SAP130: variants seen among roughly 807,000 people sequenced by gnomAD.
SAP130 encodes the protein Sin3A associated protein 130.
SAP130 carries 16 observed loss-of-function variants against 103.2 expected under a neutral mutation model. The ratio of observed to expected loss-of-function variants is 0.16; its 90% CI spans 0.10 to 0.24. SAP130 has a LOEUF of 0.24. SAP130 is among the 10% of genes least tolerant of loss of function. The probability of loss-of-function intolerance (pLI) is 1.00; values close to 1 mark genes in which losing one functional copy is unlikely to be tolerated. For synonymous variants in SAP130, 477 were observed against 497.0 expected, an observed-to-expected ratio of 0.96 and a Z score of 0.53; for missense variants, 990 against 1,359.7, an observed-to-expected ratio of 0.73 and a Z score of 4.28.
At chr2:127,951,914 C>T (rs1278362366) in intron 16 of SAP130, among the ~76,000 whole-genome samples, 2 of 152,164 alleles carry the variant, frequency 1.3e-5, no homozygotes, top group Non-Finnish European at 2.9e-5. Flanking sequence ...AAGATAGATG[C>T]AATCACAAGA....
chr2:127,959,538 G>A (rs937818407), intron 15 of SAP130, among the ~76,000 whole-genome samples: 1 of 152,212 alleles, frequency 6.6e-6, no homozygotes, highest in African/African-American at 2.4e-5. Flanking sequence ...TCACCTGGCA[G>A]TAACAAGGCA....
rs200115811 is a variant in SAP130 at position 127,949,826 on chromosome 2, C to T, written c.2797+43G>A. ...CTCTTCTATTTTAATTAAGTTTACA[C>T]CAATTTCATGCATTAATATCAAGTG... On this transcript the variant is annotated intron_variant, in intron 18 of 20. Transcript: ENST00000643581. 1.2e-3 allele frequency: 1,864 copies of T among 1,594,486 alleles called. 11 individuals carry two copies. The highest frequency in any genetic ancestry group is 5.8e-3 in the Middle Eastern group (35 of 5,990).
chr2:128,018,509 A>G (rs1380369317), intron 2 of SAP130, among the ~76,000 whole-genome samples: 1 of 135,026 alleles, frequency 7.4e-6, no homozygotes, highest in African/African-American at 2.8e-5. Context: ...AAAAAAAAGG[A>G]TGGCTGGTGC....
At chr2:128,017,277 G>A (rs896554914) in intron 3 of SAP130, among the ~76,000 whole-genome samples, 2 of 152,034 alleles carry the variant, frequency 1.3e-5, no homozygotes, top group Admixed American at 1.3e-4. Context: ...AGCCAAGATC[G>A]CACCACTGCA....
At chr2:127,983,846 T>TTAA (rs60153840) in intron 14 of SAP130, among the ~76,000 whole-genome samples, 2 of 54,314 alleles carry the variant, frequency 3.7e-5, no homozygotes, top group Admixed American at 2.5e-4. Context: ...TTTTTTTTTT[T>TTAA]AAACATTTAT....
At chr2:128,011,805 T>C (rs1356974173) in intron 6 of SAP130, among the ~76,000 whole-genome samples, 3 of 152,136 alleles carry the variant, frequency 2.0e-5, no homozygotes, top group African/African-American at 7.2e-5. Context: ...TTCAGCTAGA[T>C]TAATCTTATC....
chr2:127,971,427 C>T lies in SAP130; in HGVS notation c.2063+6558G>A, dbSNP rs545306238. Among the ~76,000 whole-genome samples the T allele has an allele frequency of 1.3e-3, 192 of 151,884 alleles. 1 individual carries two copies. Among genetic ancestry groups the T allele is most frequent in the Non-Finnish European group, 2.2e-3 (151 of 67,898 alleles). The stretch of plus-strand genomic sequence containing the variant: ...CAGCCTCCCGAGTAGCTGGGACTAC[C>T]GGCACCCGCCACCACGCCTGGCTAA... On this transcript the variant is annotated intron_variant, in intron 15 of 20. Coordinates refer to ENST00000643581, the MANE Select transcript of SAP130 (RefSeq NM_001330301.2).
At position 127,986,743 on chromosome 2, in the gene SAP130, C is replaced by A. The variant is rs372670192; in HGVS notation, c.1958+42G>T. 5.1e-4 allele frequency: 806 copies of A among 1,591,636 alleles called. 11 individuals carry two copies. In the Middle Eastern group the frequency reaches 0.016, roughly 31 times the overall value. ...TGCCTATTATGTATACCAGTTATATCCAGAACCAGAGGTGTCATTCGGCAC... is the reference window on the plus strand; with the variant it reads ...TGCCTATTATGTATACCAGTTATATACAGAACCAGAGGTGTCATTCGGCAC... On this transcript the variant is annotated intron_variant, in intron 14 of 20. Transcript: ENST00000643581. The surrounding 1 kb of genome is among the most constrained non-coding windows in gnomAD (Gnocchi z 4.7).
At chr2:127,954,037 T>C (rs1679667701) in intron 16 of SAP130, among the ~76,000 whole-genome samples, 1 of 152,114 alleles carries the variant, frequency 6.6e-6, no homozygotes, top group African/African-American at 2.4e-5. Context: ...TAGGTTGAGG[T>C]AGGATTACAG....
At chr2:128,020,946 A>G (rs1373880386) in intron 2 of SAP130, among the ~76,000 whole-genome samples, 1 of 152,150 alleles carries the variant, frequency 6.6e-6, no homozygotes, top group African/African-American at 2.4e-5. Context: ...CAGCGAGCCA[A>G]GACTGTGCAC....
At chr2:127,968,973 C>CG (rs1680878031) in intron 15 of SAP130, among the ~76,000 whole-genome samples, 1 of 152,194 alleles carries the variant, frequency 6.6e-6, no homozygotes, top group Non-Finnish European at 1.5e-5. Context: ...AGAGACTACG[C>CG]GACTCACAAA....
intron 2 of SAP130, 25 bp from the exon 3 acceptor site, chr2:128,017,940 C>G: frequency 1.3e-6 from 2 of 1,560,844 alleles, no homozygotes; most frequent in Non-Finnish European, 1.8e-6. Flanking sequence ...AAGAGTGAGA[C>G]AGTATGTCAC....
intron 12 of SAP130, among the ~76,000 whole-genome samples, chr2:127,990,868 G>C (rs912800304): frequency 6.6e-6 from 1 of 151,202 alleles, no homozygotes; most frequent in Non-Finnish European, 1.5e-5. Context: ...CTTGAACTCA[G>C]GAATTTGAGG....
intron 14 of SAP130, among the ~76,000 whole-genome samples, chr2:127,983,080 A>G (rs1682071393): frequency 6.6e-6 from 1 of 152,166 alleles, no homozygotes; most frequent in Admixed American, 6.5e-5. Flanking sequence ...CTGATCATTA[A>G]AGGTGAAGAG....
At chr2:127,967,085 G>A (rs1021753714) in intron 15 of SAP130, among the ~76,000 whole-genome samples, 3 of 152,114 alleles carry the variant, frequency 2.0e-5, no homozygotes, top group African/African-American at 7.2e-5. Context: ...ATTAATAAAA[G>A]ATTCATCAAG....
chr2:128,000,191 T>C (rs748467564), intron 8 of SAP130, 45 bp from the exon 9 acceptor site: 3 of 1,610,120 alleles, frequency 1.9e-6, no homozygotes, highest in African/African-American at 1.3e-5. Flanking sequence ...CATTATCCAC[T>C]GCGTCCAGGG....
chr2:128,024,714 G>GA (rs34945052), intron 2 of SAP130, among the ~76,000 whole-genome samples: 38,576 of 128,900 alleles, frequency 0.3, 5,705 homozygotes, highest in South Asian at 0.41. Flanking sequence ...CTAAAAATGC[G>GA]AAAAAAAAAA....
chr2:127,983,323 C>T lies in SAP130; in HGVS notation c.1958+3462G>A, dbSNP rs114613531. Among the ~76,000 whole-genome samples the T allele has an allele frequency of 4.9e-3, 742 of 152,272 alleles. 7 individuals are homozygous for T. Among genetic ancestry groups the T allele is most frequent in the African/African-American group, 0.016 (658 of 41,548 alleles). ...TTATAATGGATACTCGATCCAGTTA[C>T]TGAGAAACTTTTTATTGTCTGGAAT... On this transcript the variant is annotated intron_variant, in intron 14 of 20. Transcript: ENST00000643581.
chr2:128,017,568 G>A (rs1684862963), intron 3 of SAP130, 112 bp downstream of exon 3: 5 of 949,944 alleles, frequency 5.3e-6, no homozygotes, highest in Non-Finnish European at 7.9e-6. Flanking sequence ...ATGTCATAAA[G>A]AAAAAATGAA....
Sources: gnomAD v4.1 joint callset for allele counts (sites outside exome capture counted in the v4.1 genomes callset) on GRCh38, gnomAD v4.1.1 for gene constraint, Gnocchi (gnomAD v3.1) non-coding constraint, MANE v1.5 for transcripts, NCBI Gene and HGNC (gene_info 2026-07-23, HGNC 2026-07-21) for gene names.